The following CAMKMT variants were observed in gnomAD, a reference collection of about 807,000 sequenced individuals.
The protein encoded by CAMKMT is calmodulin-lysine N-methyltransferase.
A neutral mutation model predicts 48.0 loss-of-function variants in CAMKMT; 53 were observed. The observed-to-expected ratio is 1.10, with a 90% CI of 0.89 to 1.39. The LOEUF (loss-of-function observed/expected upper bound fraction) is 1.39, where lower values mean the gene tolerates loss of function less well. CAMKMT is among the 40% of genes most tolerant of loss of function. The probability of loss-of-function intolerance (pLI) is 0.00; values close to 1 mark genes in which losing one functional copy is unlikely to be tolerated. For synonymous variants in CAMKMT, 165 were observed against 152.3 expected, an observed-to-expected ratio of 1.08 and a Z score of -0.61; for missense variants, 428 against 402.7, an observed-to-expected ratio of 1.06 and a Z score of -0.54.
intron 3 of CAMKMT, among the ~76,000 whole-genome samples, chr2:44,595,195 C>G (rs943455172): frequency 6.6e-6 from 1 of 151,576 alleles, no homozygotes; most frequent in African/African-American, 2.4e-5. Flanking sequence ...CACTTTTACA[C>G]TGTTGGTGGG....
intron 3 of CAMKMT, among the ~76,000 whole-genome samples, chr2:44,659,562 T>G (rs1460933063): frequency 8.7e-6 from 1 of 114,424 alleles, no homozygotes; most frequent in African/African-American, 2.9e-5. Context: ...AAACCCCATC[T>G]CTACAAAAAA....
At chr2:44,364,385 C>G (rs936938054) in intron 1 of CAMKMT, among the ~76,000 whole-genome samples, 1 of 152,182 alleles carries the variant, frequency 6.6e-6, no homozygotes, top group Admixed American at 6.5e-5. Flanking sequence ...GAAGCCACCC[C>G]TAATGCCTCT....
intron 6 of CAMKMT, among the ~76,000 whole-genome samples, chr2:44,709,773 G>A (rs993405465): frequency 6.6e-6 from 1 of 151,982 alleles, no homozygotes; most frequent in East Asian, 1.9e-4. Flanking sequence ...TATAGCAGTT[G>A]TAGGATATTA....
chr2:44,422,928 T>A (rs1490219015), intron 3 of CAMKMT, among the ~76,000 whole-genome samples: 2 of 152,156 alleles, frequency 1.3e-5, no homozygotes, highest in African/African-American at 4.8e-5. Context: ...TAAGGTGAGC[T>A]CCTTGTTCAG....
At chr2:44,701,869 A>T (rs1409470452) in intron 3 of CAMKMT, among the ~76,000 whole-genome samples, 9 of 152,212 alleles carry the variant, frequency 5.9e-5, no homozygotes, top group African/African-American at 9.6e-5. Flanking sequence ...TCATGAAAAG[A>T]TCCCATTGGT....
intron 3 of CAMKMT, among the ~76,000 whole-genome samples, chr2:44,481,753 G>C (rs1270819035): frequency 1.3e-5 from 2 of 151,968 alleles, no homozygotes; most frequent in African/African-American, 4.8e-5. Context: ...AGCTTTTGAT[G>C]AATCAGATAC....
intron 3 of CAMKMT, among the ~76,000 whole-genome samples, chr2:44,665,981 G>T (rs914574587): frequency 6.6e-6 from 1 of 152,188 alleles, no homozygotes; most frequent in African/African-American, 2.4e-5. Flanking sequence ...AGTTAAAGCG[G>T]ACTAGGAAAA....
chr2:44,592,012 A>G (rs981137455), intron 3 of CAMKMT, among the ~76,000 whole-genome samples: 1 of 149,986 alleles, frequency 6.7e-6, no homozygotes, highest in Non-Finnish European at 1.5e-5. Flanking sequence ...GAATTGAGCA[A>G]TGAGAACACA....
intron 3 of CAMKMT, among the ~76,000 whole-genome samples, chr2:44,573,152 T>C (rs755149308): frequency 3.3e-5 from 5 of 152,150 alleles, no homozygotes; most frequent in Non-Finnish European, 7.4e-5. Flanking sequence ...CTGCTATTAC[T>C]GTTAGTAATA....
chr2:44,726,736 T>C (rs539554556), intron 7 of CAMKMT, among the ~76,000 whole-genome samples: 2 of 152,314 alleles, frequency 1.3e-5, no homozygotes, highest in South Asian at 2.1e-4. Flanking sequence ...TCTTCCAGGA[T>C]TTTTGTAGTT....
At chr2:44,547,496 A>C (rs190865843) in intron 3 of CAMKMT, among the ~76,000 whole-genome samples, 1 of 152,218 alleles carries the variant, frequency 6.6e-6, no homozygotes, top group African/African-American at 2.4e-5. Flanking sequence ...TAGTCACTGC[A>C]CTCCAGCCTG....
At chr2:44,523,137 TA>T (rs1255125699) in intron 3 of CAMKMT, among the ~76,000 whole-genome samples, 4 of 150,266 alleles carry the variant, frequency 2.7e-5, no homozygotes, top group East Asian at 1.9e-4. Context: ...TTTGCTGCAT[TA>T]AAAAAAAAGC....
At chr2:44,707,705 C>T (rs1677641253) in intron 6 of CAMKMT, among the ~76,000 whole-genome samples, 1 of 152,024 alleles carries the variant, frequency 6.6e-6, no homozygotes, top group South Asian at 2.1e-4. Context: ...TGTGGACCTC[C>T]CGAGGCAATA....
At chr2:44,612,931 A>G (rs142931802) in intron 3 of CAMKMT, among the ~76,000 whole-genome samples, 2 of 152,284 alleles carry the variant, frequency 1.3e-5, no homozygotes, top group East Asian at 3.9e-4. Flanking sequence ...CTAGACTTGA[A>G]TAGGTCTTTG....
intron 3 of CAMKMT, among the ~76,000 whole-genome samples, chr2:44,469,678 A>AT (rs957636221): frequency 6.6e-6 from 1 of 152,002 alleles, no homozygotes; most frequent in Non-Finnish European, 1.5e-5. Context: ...CATCTTAACC[A>AT]TTTTTTAGTA....
intron 3 of CAMKMT, among the ~76,000 whole-genome samples, chr2:44,499,666 A>C (rs976863067): frequency 1.3e-5 from 2 of 152,338 alleles, no homozygotes; most frequent in South Asian, 2.1e-4. Context: ...TATTGATGAA[A>C]TTCTTCTAAT....
chr2:44,464,694 A>G (rs1668021014), intron 3 of CAMKMT, among the ~76,000 whole-genome samples: 1 of 152,200 alleles, frequency 6.6e-6, no homozygotes, highest in Non-Finnish European at 1.5e-5. Flanking sequence ...TGCTGAAAGA[A>G]AAAAAACTGC....
At chr2:44,399,467 A>G (rs959655496) in intron 3 of CAMKMT, among the ~76,000 whole-genome samples, 13 of 152,046 alleles carry the variant, frequency 8.6e-5, no homozygotes, top group African/African-American at 2.7e-4. Flanking sequence ...TAATGTAACA[A>G]TAAATTTGTT....
chr2:44,437,149 C>T (rs1226718131), intron 3 of CAMKMT, among the ~76,000 whole-genome samples: 1 of 152,152 alleles, frequency 6.6e-6, no homozygotes, highest in Non-Finnish European at 1.5e-5. Context: ...CAACAGTATA[C>T]ATTTTATTGA....
Sources: allele counts gnomAD v4.1 joint callset (sites outside exome capture counted in the v4.1 genomes callset), GRCh38; gene constraint gnomAD v4.1.1; transcripts MANE v1.5; gene names NCBI Gene and HGNC (gene_info 2026-07-23, HGNC 2026-07-21).